Variants in IWS1 observed in about 807,000 individuals in gnomAD.
IWS1 encodes the protein protein IWS1 homolog.
In IWS1, 27 loss-of-function variants were observed where a neutral mutation model predicts 86.7. The ratio of observed to expected loss-of-function variants is 0.31; its 90% confidence interval spans 0.23 to 0.43. The LOEUF (loss-of-function observed/expected upper bound fraction) is 0.43. IWS1 is among the 20% of genes least tolerant of loss of function. The probability of loss-of-function intolerance (pLI) is 1.00; values close to 1 mark genes in which losing one functional copy is unlikely to be tolerated. For synonymous variants in IWS1, 313 were observed against 335.1 expected (o/e 0.93, Z 0.72); for missense variants, 827 against 1,000.8 (o/e 0.83, Z 2.34).
rs13430591 is a variant in IWS1 at position 127,526,061 on chromosome 2, C to T, written c.34+114G>A. On this transcript the variant is annotated intron_variant, in intron 1 of 13. Coordinates refer to ENST00000295321, the MANE Select transcript of IWS1 (RefSeq NM_017969.3). ...GGCTCTTGCCCTCCTCGGGCCGGGT[C>T]GCGGGAGGGAAGGTTTCGGGGGGCC... 875 of 1,009,650 alleles carry T rather than the reference C, an allele frequency of 8.7e-4. 9 individuals carry two copies. In the African/African-American group the frequency reaches 0.013, roughly 15 times the overall value. 62.5% of individuals were successfully genotyped at this position (1,009,650 alleles called of 1,614,324 possible). A position where few individuals can be genotyped will look rare whatever the true frequency, so the allele number is the denominator to read the frequency against.
chr2:127,515,967 T>C (rs1208306942), intron 2 of IWS1, among the ~76,000 whole-genome samples: 3 of 152,152 alleles, frequency 2.0e-5, no homozygotes, highest in Non-Finnish European at 1.5e-5. Context: ...GATTCCCATC[T>C]TTTGCCCAAC....
At chr2:127,497,701 G>A (rs931434110) in intron 6 of IWS1, among the ~76,000 whole-genome samples, 2 of 152,046 alleles carry the variant, frequency 1.3e-5, no homozygotes, top group African/African-American at 4.8e-5. Context: ...TTCTATTACC[G>A]TATGACATCT....
intron 8 of IWS1, among the ~76,000 whole-genome samples, chr2:127,494,004 A>G (rs1392486840): frequency 1.3e-5 from 2 of 152,176 alleles, no homozygotes; most frequent in Non-Finnish European, 2.9e-5. Flanking sequence ...GCTCTAGGCC[A>G]TGCTGGTGGC....
At chr2:127,511,759 G>A (rs1403506989) in intron 2 of IWS1, among the ~76,000 whole-genome samples, 1 of 152,160 alleles carries the variant, frequency 6.6e-6, no homozygotes, top group Non-Finnish European at 1.5e-5. Context: ...AATAATGTTT[G>A]CATTAAACAT....
intron 2 of IWS1, chr2:127,511,348 T>C (rs1045079254): frequency 1.3e-5 from 2 of 152,218 alleles, no homozygotes; most frequent in African/African-American, 4.8e-5. Flanking sequence ...GAATACTATC[T>C]ATACCGTAGA....
In IWS1 at chr2:127,505,322, T is replaced by C; in HGVS notation, c.581A>G (p.Gln194Arg). The C allele has an allele frequency of 6.2e-7, 1 of 1,613,910 alleles. No homozygotes were observed. Among genetic ancestry groups the C allele is most frequent in the African/African-American group, 1.3e-5 (1 of 74,950 alleles). ...DSESEEPPRH[Q>R]ASDSENEEPP... ...CTCCTCATTTTCGGAGTCACTGGCTTGGTGCCTTGGGGGTTCCTCACTCTC... is the reference window on the plus strand; with the variant it reads ...CTCCTCATTTTCGGAGTCACTGGCTCGGTGCCTTGGGGGTTCCTCACTCTC... Residue 194 changes from glutamine (Q) to arginine (R), a missense_variant, in exon 3 of 14, where the codon CAA becomes CGA. This residue lies in a region of IWS1 where 548 missense variants were observed against 560.2 expected (regional missense o/e 0.98). Transcript: ENST00000295321. This position sits in a 1 kb window ranked among gnomAD's most constrained non-coding sequence, Gnocchi z 5.0.
chr2:127,481,440 A>G (rs1689618913), intron 13 of IWS1, among the ~76,000 whole-genome samples: 2 of 151,464 alleles, frequency 1.3e-5, no homozygotes, highest in Non-Finnish European at 2.9e-5. Context: ...TAGATGGGAG[A>G]AAGGGGGGGG....
chr2:127,514,332 G>A (rs1000925643), intron 2 of IWS1: 2 of 154,270 alleles, frequency 1.3e-5, no homozygotes, highest in African/African-American at 2.4e-5. Flanking sequence ...CTTGGGACCC[G>A]CCAAACGGAG....
chr2:127,523,101 C>G (rs949805200), intron 2 of IWS1, among the ~76,000 whole-genome samples: 1 of 152,026 alleles, frequency 6.6e-6, no homozygotes, highest in Admixed American at 6.5e-5. Flanking sequence ...CCCAGCTACT[C>G]GGGAGGCTAT....
intron 12 of IWS1, among the ~76,000 whole-genome samples, chr2:127,487,560 T>G (rs1689991528): frequency 6.6e-6 from 1 of 152,180 alleles, no homozygotes; most frequent in African/African-American, 2.4e-5. Context: ...TTACCCCATT[T>G]TTAACCCTAA....
chr2:127,498,063 A>G (rs535639177), intron 6 of IWS1, 77 bp downstream of exon 6: 9 of 1,164,276 alleles, frequency 7.7e-6, no homozygotes, highest in Non-Finnish European at 8.7e-6. Context: ...ACCAAAATGA[A>G]AAACAAAAGA....
At chr2:127,526,151 C>G (rs757096238) in intron 1 of IWS1, 24 bp downstream of exon 1, 6 of 1,590,656 alleles carry the variant, frequency 3.8e-6, no homozygotes, top group Non-Finnish European at 5.1e-6. Flanking sequence ...CCTCCCAGCC[C>G]GGTCCCCCAG....
intron 2 of IWS1, among the ~76,000 whole-genome samples, chr2:127,506,033 A>G (rs1212733618): frequency 2.6e-5 from 4 of 152,214 alleles, no homozygotes; most frequent in African/African-American, 9.6e-5. Context: ...GTGAAGAGCT[A>G]GATTTTTTCT....
At chr2:127,509,017 A>AT (rs1691296722) in intron 2 of IWS1, among the ~76,000 whole-genome samples, 1 of 152,184 alleles carries the variant, frequency 6.6e-6, no homozygotes, top group South Asian at 2.1e-4. Flanking sequence ...ATCCTCATGA[A>AT]TTTTTTATGA....
At chr2:127,525,292 A>G (rs753582728) in intron 1 of IWS1, among the ~76,000 whole-genome samples, 1 of 152,230 alleles carries the variant, frequency 6.6e-6, no homozygotes, top group Non-Finnish European at 1.5e-5. Flanking sequence ...GCATGCCTGG[A>G]AAACGCTTTG....
chr2:127,503,025 C>A (rs763105819), intron 4 of IWS1, among the ~76,000 whole-genome samples, 153 bp from the exon 5 acceptor site: 1 of 152,094 alleles, frequency 6.6e-6, no homozygotes, highest in Non-Finnish European at 1.5e-5. Context: ...CTCATGTAAC[C>A]AGCACCCTAT....
At position 127,493,322 on chromosome 2, in the gene IWS1, C is replaced by T. The variant is rs1236826497; in HGVS notation, c.1888G>A (p.Ala630Thr). The T allele has an allele frequency of 6.2e-7, 1 of 1,613,574 alleles. No homozygotes were observed. Among genetic ancestry groups the T allele is most frequent in the Non-Finnish European group, 8.5e-7 (1 of 1,179,828 alleles). ...AGCAGCTCCTCCCGGATCTTGAGTG[C>T]AGGCAAACTCCTATCTGGTAGAGGT... ...LSPLPDRSLP[A>T]LKIREELLKI... The change falls in exon 9 of 14, where the codon GCA (alanine) becomes ACA (threonine). Residue 630 changes from alanine to threonine, a missense_variant. Physicochemically the swap from Ala to Thr is moderately conservative, Grantham distance 58 (BLOSUM62 0). This residue lies in a region of IWS1 where 279 missense variants were observed against 440.6 expected (regional missense o/e 0.63). Coordinates refer to ENST00000295321, the MANE Select transcript of IWS1 (RefSeq NM_017969.3).
At position 127,505,523 on chromosome 2, in the gene IWS1, T is replaced by C. The variant is rs1320313786; in HGVS notation, c.380A>G (p.Lys127Arg). ...ATTTTCAGAGTCACTACCAGGTAAT[T>C]TCCTGGTCTCTTCACTCTCAGAGTC... ...GSDSESEETR[K>R]LPGSDSENEE... Residue 127 changes from lysine (K) to arginine (R), a missense_variant, in exon 3 of 14, where the codon AAA becomes AGA. Physicochemically the swap from Lys to Arg is conservative, Grantham distance 26. Transcript: ENST00000295321. The surrounding 1 kb of genome is among the most constrained non-coding windows in gnomAD (Gnocchi z 5.0). The C allele has an allele frequency of 6.2e-7, 1 of 1,614,076 alleles. No homozygotes were observed. Among genetic ancestry groups the C allele is most frequent in the East Asian group, 2.2e-5 (1 of 44,880 alleles).
At chr2:127,520,073 T>A (rs550365069) in intron 2 of IWS1, among the ~76,000 whole-genome samples, 3 of 152,342 alleles carry the variant, frequency 2.0e-5, no homozygotes, top group South Asian at 2.1e-4. Flanking sequence ...TTTTTCGTTG[T>A]TTTAAGCCAC....
Sources: gnomAD v4.1 joint callset for allele counts (sites outside exome capture counted in the v4.1 genomes callset) on GRCh38, gnomAD v4.1.1 for gene constraint, gnomAD v4.1.1 regional missense constraint, Gnocchi (gnomAD v3.1) non-coding constraint, MANE v1.5 for transcripts, NCBI Gene and HGNC (gene_info 2026-07-23, HGNC 2026-07-21) for gene names.